RIPK3: variants seen among roughly 807,000 people sequenced by gnomAD.
RIPK3 encodes receptor-interacting serine/threonine-protein kinase 3.
In RIPK3, 51 loss-of-function variants were observed where a neutral mutation model predicts 51.6. The ratio of observed to expected loss-of-function variants is 0.99; its 90% CI spans 0.79 to 1.25. RIPK3 has a LOEUF of 1.25. RIPK3 is among the 50% of genes most tolerant of loss of function. The pLI is 0.00. For synonymous variants in RIPK3, 246 were observed against 257.7 expected, an observed-to-expected ratio of 0.95 and a Z score of 0.44; for missense variants, 654 against 650.4, an observed-to-expected ratio of 1.01 and a Z score of -0.06.
In RIPK3 at chr14:24,337,745, C is replaced by A. The variant is rs2042150306; in HGVS notation, c.850G>T (p.Asp284Tyr). 1 of 1,613,796 alleles carries A rather than the reference C, an allele frequency of 6.2e-7. No homozygotes were observed. Residue 284 changes from aspartate to tyrosine, a missense_variant, in exon 7 of 10, where the codon GAT (aspartate) becomes TAT (tyrosine). Transcript: ENST00000216274. ...PSFQECLPKT[D>Y]EVFQMVENNM... The stretch of plus-strand genomic sequence containing the variant: ...TTCTCCACCATCTGGAAGACTTCAT[C>A]AGTTTTTGGTAGGCATTCTAGAGGG...
rs1482738118 is a variant in RIPK3, at chr14:24,339,519, G to A, written c.99C>T (p.Gly33=). The A allele has an allele frequency of 1.9e-6, 3 of 1,614,078 alleles. No homozygotes were observed. The highest frequency in any genetic ancestry group is 1.3e-5 in the African/African-American group (1 of 74,932). The change falls in exon 2 of 10, where the codon GGC becomes GGT. Residue 33 remains glycine (G), a synonymous_variant. Coordinates refer to ENST00000216274, the MANE Select transcript of RIPK3 (RefSeq NM_006871.4). The surrounding 1 kb of genome is among the most constrained non-coding windows in gnomAD (Gnocchi z 4.0). Reference sequence around the variant, plus strand: ...TCCTATGTTGCGCCCGGAACACTGTGCCGAACCCGCCTTTGCCGACGAGCT... The same window carrying A: ...TCCTATGTTGCGCCCGGAACACTGTACCGAACCCGCCTTTGCCGACGAGCT... The part of the protein sequence containing the change: ...NQELVGKGGF[G]TVFRAQHRKW...
In RIPK3 at chr14:24,339,628, C is replaced by T. The variant is rs1471194813; in HGVS notation, c.21-31G>A. 2 of 1,612,790 alleles carry T rather than the reference C, an allele frequency of 1.2e-6. No homozygotes were observed. The highest frequency in any genetic ancestry group is 1.3e-5 in the African/African-American group (1 of 75,042). ...AGAGGGGTGTCGCCCACTAGCCGGC[C>T]GTGCCGTGCCTCAGCGCTGCTCCCC... On this transcript the variant is annotated intron_variant, in intron 1 of 9. Coordinates refer to ENST00000216274, the MANE Select transcript of RIPK3 (RefSeq NM_006871.4). The surrounding 1 kb of genome is among the most constrained non-coding windows in gnomAD (Gnocchi z 4.0).
rs769354294 is a variant in RIPK3 at position 24,339,189 on chromosome 14, G to A, written c.297C>T (p.Asn99=). The change falls in exon 3 of 10, where the codon AAC becomes AAT. Residue 99 remains asparagine (N), a synonymous_variant. Transcript: ENST00000216274. The surrounding 1 kb of genome is among the most constrained non-coding windows in gnomAD (Gnocchi z 4.0). ...ACTGCAGCAGCCCCGACAAGGAGCC[G>A]TTCTCCATGAATTTAGTCACCAGAG... ...KPALVTKFME[N]GSLSGLLQSQ... 26 of 1,614,146 alleles carry A rather than the reference G, an allele frequency of 1.6e-5. No individual in the cohort carries two copies. Among genetic ancestry groups the A allele is most frequent in the Middle Eastern group, 1.6e-4 (1 of 6,084 alleles).
rs753880129 is a variant in RIPK3 at position 24,338,427 on chromosome 14, G to A, written c.612C>T (p.Val204=). The change falls in exon 4 of 10, where the codon GTC becomes GTT. Residue 204 remains valine, a synonymous_variant. Coordinates refer to ENST00000216274, the MANE Select transcript of RIPK3 (RefSeq NM_006871.4). ...VNRKASTASD[V]YSFGILMWAV... ...GTTTGGGCCGGGATCCTTACCTGTA[G>A]ACGTCACTGGCTGTGGAGGCCTTCC... is the stretch of plus-strand genomic sequence containing the variant. 3.2e-5 allele frequency: 51 copies of A among 1,612,252 alleles called. 2 individuals are homozygous for A. The South Asian group carries it at 5.1e-4, about 16-fold the overall frequency.
Position 24,338,442 on chromosome 14 carries a change from G to T in RIPK3, c.597C>A (p.Ser199=). The T allele has an allele frequency of 6.2e-6, 10 of 1,613,318 alleles. No individual in the cohort carries two copies. Among genetic ancestry groups the T allele is most frequent in the Non-Finnish European group, 8.5e-6 (10 of 1,179,356 alleles). Residue 199 remains serine (S), a synonymous_variant, in exon 4 of 10, where the codon TCC becomes TCA. Coordinates refer to ENST00000216274, the MANE Select transcript of RIPK3 (RefSeq NM_006871.4). ...ELFVNVNRKA[S]TASDVYSFGI... is the part of the protein sequence containing the mutation. ...CTTACCTGTAGACGTCACTGGCTGT[G>T]GAGGCCTTCCGGTTTACGTTAACAA...
rs199909081 is a variant in RIPK3 at position 24,338,487 on chromosome 14, G to A, written c.552C>T (p.Gly184=). 2 of 1,613,850 alleles carry A rather than the reference G, an allele frequency of 1.2e-6. No individual in the cohort carries two copies. The highest frequency in any genetic ancestry group is 2.7e-5 in the African/African-American group (2 of 75,036). Residue 184 remains glycine, a synonymous_variant, in exon 4 of 10, where the codon GGC becomes GGT. Transcript: ENST00000216274. The part of the protein sequence containing the change: ...TGSGEPGGTL[G]YLAPELFVNV... ...TAACAAACAGTTCTGGGGCCAAGTA[G>A]CCCAGGGTGCCCCCTGGCTCCCCGG...
chr14:24,337,926 T>A lies in RIPK3; in HGVS notation c.779A>T (p.Glu260Val), dbSNP rs7153640. The change falls in exon 6 of 10, where the codon GAG becomes GTG. Residue 260 changes from glutamate to valine, a missense_variant. Coordinates refer to ENST00000216274, the MANE Select transcript of RIPK3 (RefSeq NM_006871.4). Reference protein sequence around the residue: ...PETPGLEGLKELMQLCWSSEP... With the variant: ...PETPGLEGLKVLMQLCWSSEP... ...ACTGCTCCAGCAGAGCTGCATTAGCTCCTTCAGTCCTTCTAAGCCGGGAGT... is the reference window on the plus strand; with the variant it reads ...ACTGCTCCAGCAGAGCTGCATTAGCACCTTCAGTCCTTCTAAGCCGGGAGT... The A allele has an allele frequency of 3.2e-4, 520 of 1,614,152 alleles. 1 individual carries two copies. In the African/African-American group the frequency reaches 6.3e-3, roughly 19 times the overall value.
chr14:24,338,490 C>G lies in RIPK3; in HGVS notation c.549G>C (p.Leu183=), dbSNP rs775677593. Residue 183 remains leucine, a synonymous_variant, in exon 4 of 10, where the codon CTG becomes CTC. Transcript: ENST00000216274. ...GTGSGEPGGT[L]GYLAPELFVN... ...CAAACAGTTCTGGGGCCAAGTAGCC[C>G]AGGGTGCCCCCTGGCTCCCCGGACC... is the stretch of plus-strand genomic sequence containing the variant. 1 of 1,613,830 alleles carries G rather than the reference C, an allele frequency of 6.2e-7. No homozygotes were observed. Among genetic ancestry groups the G allele is most frequent in the Admixed American group, 1.7e-5 (1 of 60,004 alleles).
At position 24,338,300 on chromosome 14, in the gene RIPK3, A is replaced by G; in HGVS notation, c.618-5T>C. 6.6e-7 allele frequency: 1 copy of G among 1,526,020 alleles called. No individual in the cohort carries two copies. Among genetic ancestry groups the G allele is most frequent in the Non-Finnish European group, 8.8e-7 (1 of 1,136,668 alleles). 94.5% of individuals were successfully genotyped at this position (1,526,020 alleles called of 1,614,324 possible). On this transcript the variant is annotated splice_polypyrimidine_tract_variant and splice_region_variant and intron_variant, in intron 4 of 9. Coordinates refer to ENST00000216274, the MANE Select transcript of RIPK3 (RefSeq NM_006871.4). ...GCCCACATTAGGATCCCGAAGCTGC[A>G]GGAGACACAAAGCTGAGGATCGGTC...
In RIPK3 at chr14:24,336,940, A is replaced by G; in HGVS notation, c.1281T>C (p.Ala427=). Residue 427 remains alanine (A), a synonymous_variant, in exon 9 of 10, where the codon GCT becomes GCC. Transcript: ENST00000216274. ...AGGACCAGTTCATGCCTTGTCTCTC[A>G]GCCCCCTGCAAACAGCACAGAGCAT... The part of the protein sequence containing the change: ...PSPGPRGNQG[A]ERQGMNWSCR... 1 of 1,613,992 alleles carries G rather than the reference A, an allele frequency of 6.2e-7. No homozygotes were observed. The highest frequency in any genetic ancestry group is 8.5e-7 in the Non-Finnish European group (1 of 1,179,908).
rs150214941 is a variant in RIPK3, at chr14:24,339,576, G to C, written c.42C>G (p.Pro14=). 5.0e-6 allele frequency: 8 copies of C among 1,614,148 alleles called. No homozygotes were observed. The East Asian group carries it at 1.8e-4, about 36-fold the overall frequency. The part of the protein sequence containing the change: ...VKLWPSGAPA[P]LVSIEELENQ... Reference sequence around the variant, plus strand: ...TCTCCAGTTCCTCGATGGACACCAAGGGGGCGGGGGCACCGCTGGGCCTGA... The same window carrying C: ...TCTCCAGTTCCTCGATGGACACCAACGGGGCGGGGGCACCGCTGGGCCTGA... The change falls in exon 2 of 10, where the codon CCC becomes CCG. Residue 14 remains proline (P), a synonymous_variant. Coordinates refer to ENST00000216274, the MANE Select transcript of RIPK3 (RefSeq NM_006871.4). The surrounding 1 kb of genome is among the most constrained non-coding windows in gnomAD (Gnocchi z 4.0).
rs756618890 is a variant in RIPK3, at chr14:24,339,763, T to C, written c.20+44A>G. Reference sequence around the variant, plus strand: ...GAGCGAGTCTGTGGGGCTCTCTGGGTGTGAATGTCGGAGGCTGCGATCGAC... The same window carrying C: ...GAGCGAGTCTGTGGGGCTCTCTGGGCGTGAATGTCGGAGGCTGCGATCGAC... On this transcript the variant is annotated intron_variant, in intron 1 of 9. Transcript: ENST00000216274. The surrounding 1 kb of genome is among the most constrained non-coding windows in gnomAD (Gnocchi z 4.0). 2 of 1,566,880 alleles carry C rather than the reference T, an allele frequency of 1.3e-6. No individual in the cohort carries two copies. Among genetic ancestry groups the C allele is most frequent in the Non-Finnish European group, 1.7e-6 (2 of 1,157,170 alleles).
At position 24,339,734 on chromosome 14, in the gene RIPK3, C is replaced by T. The variant is rs2042171877; in HGVS notation, c.20+73G>A. 6.4e-7 allele frequency: 1 copy of T among 1,569,258 alleles called. No homozygotes were observed. The highest frequency in any genetic ancestry group is 8.7e-7 in the Non-Finnish European group (1 of 1,155,866). On this transcript the variant is annotated intron_variant, in intron 1 of 9. Coordinates refer to ENST00000216274, the MANE Select transcript of RIPK3 (RefSeq NM_006871.4). The surrounding 1 kb of genome is among the most constrained non-coding windows in gnomAD (Gnocchi z 4.0). ...CACCGTCCCCGGACTCAAAGACGTT[C>T]TCTGAGCGAGTCTGTGGGGCTCTCT...
At chr14:24,338,107 T>G in intron 5 of RIPK3, 67 bp from the exon 6 acceptor site, 13 of 1,609,608 alleles carry the variant, frequency 8.1e-6, no homozygotes, top group Non-Finnish European at 1.0e-5. Flanking sequence ...TGCTTCATCA[T>G]GGAAAGAGGC....
Position 24,338,570 on chromosome 14 carries a change from G to T in RIPK3, c.472-3C>A. 6.3e-7 allele frequency: 1 copy of T among 1,593,402 alleles called. No individual in the cohort carries two copies. The highest frequency in any genetic ancestry group is 1.1e-5 in the South Asian group (1 of 90,300). On this transcript the variant is annotated splice_region_variant and splice_polypyrimidine_tract_variant and intron_variant, in intron 3 of 9. Transcript: ENST00000216274. Reference sequence around the variant, plus strand: ...GTGGACAGGCCAAAATCTGCCAGCTGCAAAGGAAGGAAAGAAGTGGGAGGT... The same window carrying T: ...GTGGACAGGCCAAAATCTGCCAGCTTCAAAGGAAGGAAAGAAGTGGGAGGT...
chr14:24,339,752 G>A lies in RIPK3; in HGVS notation c.20+55C>T. On this transcript the variant is annotated intron_variant, in intron 1 of 9. Coordinates refer to ENST00000216274, the MANE Select transcript of RIPK3 (RefSeq NM_006871.4). This position sits in a 1 kb window ranked among gnomAD's most constrained non-coding sequence, Gnocchi z 4.0. ...AGACGTTCTCTGAGCGAGTCTGTGGGGCTCTCTGGGTGTGAATGTCGGAGG... is the reference window on the plus strand; with the variant it reads ...AGACGTTCTCTGAGCGAGTCTGTGGAGCTCTCTGGGTGTGAATGTCGGAGG... The A allele has an allele frequency of 6.4e-7, 1 of 1,565,880 alleles. No individual in the cohort carries two copies. The highest frequency in any genetic ancestry group is 8.6e-7 in the Non-Finnish European group (1 of 1,156,302).
intron 4 of RIPK3, 57 bp from the exon 5 acceptor site, chr14:24,338,352 T>C (rs888664596): frequency 5.8e-6 from 9 of 1,554,258 alleles, no homozygotes; most frequent in Non-Finnish European, 7.0e-6. Flanking sequence ...TCCTTTCCTA[T>C]ACATCATCCC....
chr14:24,338,260 C>T lies in RIPK3; in HGVS notation c.653G>A (p.Arg218Lys), dbSNP rs2042155740. The change falls in exon 5 of 10, where the codon AGA becomes AAA. Residue 218 changes from arginine (R) to lysine (K), a missense_variant. By Grantham distance (26) the Arg-to-Lys change is conservative. Transcript: ENST00000216274. ...GILMWAVLAG[R>K]EVELPTEPSL... ...TCCTAGAGTCTTACACTCAACTTCTCTTCCAGCAAGCACTGCCCACATTAG... is the reference window on the plus strand; with the variant it reads ...TCCTAGAGTCTTACACTCAACTTCTTTTCCAGCAAGCACTGCCCACATTAG... 3 of 1,523,566 alleles carry T rather than the reference C, an allele frequency of 2.0e-6. No homozygotes were observed. Among genetic ancestry groups the T allele is most frequent in the Non-Finnish European group, 1.8e-6 (2 of 1,136,058 alleles). The allele number at this position is 1,523,566 out of a possible 1,614,324, so 94.4% of individuals were successfully genotyped here.
chr14:24,338,683 C>G (rs945299055), intron 3 of RIPK3, 116 bp from the exon 4 acceptor site: 40 of 1,414,010 alleles, frequency 2.8e-5, no homozygotes, highest in Non-Finnish European at 3.6e-5. Flanking sequence ...GTGTGGAGGT[C>G]AAGGGAAGAG....
Sources: allele counts gnomAD v4.1 joint callset, GRCh38; gene constraint gnomAD v4.1.1; non-coding constraint Gnocchi (gnomAD v3.1); transcripts MANE v1.5; gene names NCBI Gene and HGNC (gene_info 2026-07-23, HGNC 2026-07-21).